The following RBM20 variants were observed in gnomAD, a reference collection of about 807,000 sequenced individuals.
The protein encoded by RBM20 is RNA binding motif protein 20, also known as RNA-binding protein 20.
RBM20 carries 51 observed loss-of-function variants against 110.1 expected under a neutral mutation model. The ratio of observed to expected loss-of-function variants is 0.46; its 90% CI spans 0.37 to 0.59. The LOEUF is 0.59. Among genes scored for constraint, RBM20 ranks in the 20% least tolerant of loss-of-function variants. The probability of loss-of-function intolerance (pLI) is 0.00; values close to 1 mark genes in which losing one functional copy is unlikely to be tolerated. For missense variants in RBM20, 1,512 were observed against 1,574.9 expected (o/e 0.96, Z 0.68); for synonymous variants, 589 against 618.2 (o/e 0.95, Z 0.70).
rs143841298 is a variant in RBM20 at position 110,781,315 on chromosome 10, T to C, written c.706T>C (p.Ser236Pro). ...AGFYEYGKAS[S>P]GQTYGPETDG... ...ATTCTATGAGTATGGCAAAGCCAGC[T>C]CTGGCCAGACATATGGCCCTGAAAC... The change falls in exon 2 of 14, where the codon TCT (serine) becomes CCT (proline). Residue 236 changes from serine to proline, a missense_variant. Around this residue, in one of 3 missense-constraint regions of RBM20, gnomAD observed 1,149 missense variants for 1,169.4 expected, o/e 0.98. Transcript: ENST00000369519. 6.4e-7 allele frequency: 1 copy of C among 1,551,734 alleles called. No individual in the cohort carries two copies. The highest frequency in any genetic ancestry group is 8.7e-7 in the Non-Finnish European group (1 of 1,147,006).
At chr10:110,764,542 G>A (rs1224928637) in intron 1 of RBM20, among the ~76,000 whole-genome samples, 1 of 152,258 alleles carries the variant, frequency 6.6e-6, no homozygotes, top group Non-Finnish European at 1.5e-5. Flanking sequence ...CAGCAGGAAT[G>A]GCTCCCGGTG....
chr10:110,694,269 C>G (rs1264662304), intron 1 of RBM20, among the ~76,000 whole-genome samples: 1 of 152,182 alleles, frequency 6.6e-6, no homozygotes, highest in Non-Finnish European at 1.5e-5. Context: ...AAACCAAAGC[C>G]AAAAGGCAGC....
At chr10:110,698,322 A>G (rs868847313) in intron 1 of RBM20, among the ~76,000 whole-genome samples, 12 of 152,204 alleles carry the variant, frequency 7.9e-5, no homozygotes, top group South Asian at 2.1e-4. Context: ...TACCCAGGAC[A>G]CACAGGAGGT....
chr10:110,780,071 G>C (rs1343839984), intron 1 of RBM20, among the ~76,000 whole-genome samples: 1 of 152,132 alleles, frequency 6.6e-6, no homozygotes, highest in Non-Finnish European at 1.5e-5. Context: ...GGGTGAGGTG[G>C]GGGGAGCACG....
chr10:110,816,516 C>T (rs1844843055), intron 9 of RBM20, among the ~76,000 whole-genome samples: 2 of 152,104 alleles, frequency 1.3e-5, no homozygotes, highest in African/African-American at 4.8e-5. Context: ...CGCACCGCTG[C>T]AGACCACCTC....
chr10:110,673,170 T>C (rs538338437), intron 1 of RBM20, among the ~76,000 whole-genome samples: 2 of 152,294 alleles, frequency 1.3e-5, no homozygotes, highest in South Asian at 2.1e-4. Context: ...AGGTTCTTGA[T>C]ACATATTCCT....
intron 7 of RBM20, 47 bp downstream of exon 7, chr10:110,799,965 AGTTTCT>A: frequency 3.9e-6 from 6 of 1,534,582 alleles, no homozygotes; most frequent in Non-Finnish European, 5.3e-6. Flanking sequence ...GCACCAGATG[AGTTTCT>A]CCTCCGTGTT....
intron 1 of RBM20, among the ~76,000 whole-genome samples, chr10:110,727,119 C>G (rs1028468299): frequency 7.2e-6 from 1 of 138,980 alleles, no homozygotes; most frequent in African/African-American, 2.7e-5. Flanking sequence ...GTTAGGATTA[C>G]AGGCGTGAGT....
intron 1 of RBM20, among the ~76,000 whole-genome samples, chr10:110,663,394 G>A (rs1418470050): frequency 6.6e-6 from 1 of 152,122 alleles, no homozygotes; most frequent in African/African-American, 2.4e-5. Context: ...TGATCTCCAG[G>A]GCGTACTATT....
At chr10:110,823,012 C>T (rs371362917) in intron 11 of RBM20, among the ~76,000 whole-genome samples, 161 of 152,250 alleles carry the variant, frequency 1.1e-3, no homozygotes, top group African/African-American at 3.6e-3. Flanking sequence ...GTGTTAGAGG[C>T]TCATTAACTG....
chr10:110,679,907 A>G (rs1862397959), intron 1 of RBM20, among the ~76,000 whole-genome samples: 1 of 152,188 alleles, frequency 6.6e-6, no homozygotes, highest in African/African-American at 2.4e-5. Flanking sequence ...TTCACAGCTC[A>G]TGCCATCTGG....
intron 9 of RBM20, among the ~76,000 whole-genome samples, chr10:110,813,835 CAAAAAAAAA>C (rs57225247): frequency 8.0e-6 from 1 of 125,076 alleles, no homozygotes. Context: ...AACTCTATTT[CAAAAAAAAA>C]AAAAAAAAAA....
chr10:110,766,314 T>TG (rs1844081939), intron 1 of RBM20, among the ~76,000 whole-genome samples: 4 of 137,758 alleles, frequency 2.9e-5, no homozygotes, highest in Non-Finnish European at 6.3e-5. Context: ...AGTAACTTTG[T>TG]TTTTTTTTTT....
chr10:110,658,073 A>G (rs879562434), intron 1 of RBM20, among the ~76,000 whole-genome samples: 5 of 152,098 alleles, frequency 3.3e-5, no homozygotes, highest in Admixed American at 3.3e-4. Flanking sequence ...TCATTTGGCA[A>G]GTAATTATGA....
intron 1 of RBM20, among the ~76,000 whole-genome samples, chr10:110,763,751 CTTTTTTTTT>C (rs56845100): frequency 1.6e-5 from 1 of 64,384 alleles, no homozygotes; most frequent in East Asian, 5.4e-4. Flanking sequence ...GGCTTCTTGG[CTTTTTTTTT>C]TTTTTTTTTT....
intron 1 of RBM20, among the ~76,000 whole-genome samples, chr10:110,736,773 C>G (rs1843675163): frequency 6.6e-6 from 1 of 152,140 alleles, no homozygotes; most frequent in Admixed American, 6.5e-5. Context: ...GTTTGTATCC[C>G]TCCAAAATGC....
At position 110,837,382 on chromosome 10, in the gene RBM20, G is replaced by A. The variant is rs557897714; in HGVS notation, c.*1404G>A. 2.0e-5 allele frequency: 3 copies of A among 152,270 alleles called. No homozygotes were observed. In the East Asian group the frequency reaches 5.8e-4, roughly 29 times the overall value. The allele number at this position is 152,270 out of a possible 1,614,324, so 9.4% of individuals were successfully genotyped here. ...TGCCACAGCCATAGAGAGGCCCTCG[G>A]GCAGTTAAGAAGGGAGCCTGGAGCT... is the stretch of plus-strand genomic sequence containing the variant. On this transcript the variant is annotated 3_prime_UTR_variant, in exon 14 of 14. Transcript: ENST00000369519.
intron 1 of RBM20, 50 bp from the exon 2 acceptor site, chr10:110,780,751 C>A (rs1234783460): frequency 6.8e-7 from 1 of 1,466,334 alleles, no homozygotes; most frequent in African/African-American, 1.4e-5. Context: ...CAGCCCCTTG[C>A]CCCCCTCATT....
chr10:110,673,071 A>G lies in RBM20; in HGVS notation c.191+28426A>G, dbSNP rs1016328343. 2.0e-5 allele frequency among the ~76,000 whole-genome samples: 3 copies of G among 152,312 alleles called. No individual in the cohort carries two copies. In the South Asian group the frequency reaches 6.2e-4, roughly 32 times the overall value. Reference sequence around the variant, plus strand: ...AGGTGTTTTTTTATTTTCATTAAAAAATTCTGCAGTAAACATCTTTCTGGC... The same window carrying G: ...AGGTGTTTTTTTATTTTCATTAAAAGATTCTGCAGTAAACATCTTTCTGGC... On this transcript the variant is annotated intron_variant, in intron 1 of 13. Coordinates refer to ENST00000369519, the MANE Select transcript of RBM20 (RefSeq NM_001134363.3).
Sources: allele counts gnomAD v4.1 joint callset (sites outside exome capture counted in the v4.1 genomes callset), GRCh38; gene constraint gnomAD v4.1.1; regional missense constraint gnomAD v4.1.1; transcripts MANE v1.5; gene names NCBI Gene and HGNC (gene_info 2026-07-23, HGNC 2026-07-21).